The following PLA2G4A variants were observed in gnomAD, a reference collection of about 807,000 sequenced individuals.
PLA2G4A encodes cytosolic phospholipase A2.
Under a neutral mutation model 81.9 loss-of-function variants are expected in PLA2G4A, and 40 were observed. That is an observed-to-expected ratio of 0.49 (90% CI 0.38 to 0.64). The LOEUF (loss-of-function observed/expected upper bound fraction) is 0.64, where lower values mean the gene tolerates loss of function less well. Among genes scored for constraint, PLA2G4A ranks in the 30% least tolerant of loss-of-function variants. The probability of loss-of-function intolerance (pLI) is 0.00; values close to 1 mark genes in which losing one functional copy is unlikely to be tolerated. For missense variants in PLA2G4A, 715 were observed against 905.1 expected, an observed-to-expected ratio of 0.79 and a Z score of 2.69; for synonymous variants, 302 against 296.9, an observed-to-expected ratio of 1.02 and a Z score of -0.18.
At chr1:186,887,232 C>CT (rs1653969227) in intron 3 of PLA2G4A, among the ~76,000 whole-genome samples, 1 of 151,824 alleles carries the variant, frequency 6.6e-6, no homozygotes, top group South Asian at 2.1e-4. Flanking sequence ...TACTTGTAAT[C>CT]TGTTTTTCAA....
At chr1:186,936,001 C>T (rs549583046) in intron 8 of PLA2G4A, among the ~76,000 whole-genome samples, 1 of 151,714 alleles carries the variant, frequency 6.6e-6, no homozygotes, top group Non-Finnish European at 1.5e-5. Flanking sequence ...CCTGGAGACC[C>T]GAAATGAGTG....
At chr1:186,879,652 C>T (rs1204284102) in intron 3 of PLA2G4A, among the ~76,000 whole-genome samples, 2 of 151,724 alleles carry the variant, frequency 1.3e-5, no homozygotes, top group African/African-American at 4.8e-5. Flanking sequence ...ATTTATGAAG[C>T]TTAAATGAAA....
At chr1:186,837,927 AG>A (rs1246831487) in intron 1 of PLA2G4A, among the ~76,000 whole-genome samples, 1 of 151,952 alleles carries the variant, frequency 6.6e-6, no homozygotes, top group Non-Finnish European at 1.5e-5. Flanking sequence ...GGCAGGGAGA[AG>A]GGGAACCCAA....
intron 15 of PLA2G4A, among the ~76,000 whole-genome samples, chr1:186,976,841 G>A (rs554944192): frequency 1.1e-4 from 17 of 152,294 alleles, no homozygotes; most frequent in African/African-American, 3.6e-4. Context: ...AGCTGACTGC[G>A]AACACGTATT....
chr1:186,917,014 C>A (rs774316554), intron 7 of PLA2G4A, among the ~76,000 whole-genome samples: 1 of 152,062 alleles, frequency 6.6e-6, no homozygotes. Context: ...AGGGGTTGTC[C>A]GGGCTCGGTT....
At chr1:186,961,054 A>G (rs1656924538) in intron 14 of PLA2G4A, among the ~76,000 whole-genome samples, 1 of 152,138 alleles carries the variant, frequency 6.6e-6, no homozygotes, top group Admixed American at 6.5e-5. Context: ...ACATGGGTGA[A>G]CTTAGTGGAT....
chr1:186,964,528 C>T (rs932161460), intron 14 of PLA2G4A, among the ~76,000 whole-genome samples: 16 of 152,128 alleles, frequency 1.1e-4, no homozygotes, highest in African/African-American at 3.6e-4. Context: ...CCTCCCTCTC[C>T]CTGGTAACTT....
At position 186,870,514 on chromosome 1, in the gene PLA2G4A, T is replaced by C. The variant is rs1653218210; in HGVS notation, c.113T>C (p.Met38Thr). 1.9e-6 allele frequency: 3 copies of C among 1,601,750 alleles called. No homozygotes were observed. Residue 38 changes from methionine (M) to threonine (T), a missense_variant and splice_region_variant, in exon 3 of 18, where the codon ATG becomes ACG. Physicochemically the swap from Met to Thr is moderately conservative, Grantham distance 81. Coordinates refer to ENST00000367466, the MANE Select transcript of PLA2G4A (RefSeq NM_024420.3). ...GTGACAAAGGGGGCCTTTGGTGACATGCGTAAGTGCCCTTTTTTTCTTTGC... is the reference window on the plus strand; with the variant it reads ...GTGACAAAGGGGGCCTTTGGTGACACGCGTAAGTGCCCTTTTTTTCTTTGC... ...TKVTKGAFGDMLDTPDPYVEL... is the reference protein window; with the variant it reads ...TKVTKGAFGDTLDTPDPYVEL...
At chr1:186,844,682 TGTTAAATGACGA>T (rs1051765299) in intron 1 of PLA2G4A, among the ~76,000 whole-genome samples, 3 of 152,204 alleles carry the variant, frequency 2.0e-5, no homozygotes, top group African/African-American at 7.2e-5. Flanking sequence ...ATATACCTAA[TGTTAAATGACGA>T]GTTAATGGGT....
intron 7 of PLA2G4A, among the ~76,000 whole-genome samples, chr1:186,920,929 G>A (rs963121860): frequency 2.4e-4 from 36 of 152,288 alleles, no homozygotes; most frequent in East Asian, 1.5e-3. Context: ...GATATCTTCC[G>A]CGCTTTGACT....
chr1:186,930,000 T>C (rs1446063235), intron 7 of PLA2G4A, among the ~76,000 whole-genome samples: 1 of 152,132 alleles, frequency 6.6e-6, no homozygotes, highest in Non-Finnish European at 1.5e-5. Flanking sequence ...AAGACCATCC[T>C]GGGCAACATG....
chr1:186,831,694 G>T (rs575690688), intron 1 of PLA2G4A, among the ~76,000 whole-genome samples: 164 of 152,004 alleles, frequency 1.1e-3, no homozygotes, highest in African/African-American at 3.7e-3. Context: ...AAATTGCAAG[G>T]AAGAAAAAGA....
chr1:186,983,079 G>C (rs1657777659), intron 17 of PLA2G4A, among the ~76,000 whole-genome samples: 1 of 114,240 alleles, frequency 8.8e-6, no homozygotes, highest in Non-Finnish European at 1.6e-5. Context: ...GCAAGAGTCT[G>C]TCTCAAAAAA....
chr1:186,970,269 T>C (rs1219818064), intron 15 of PLA2G4A, among the ~76,000 whole-genome samples: 1 of 152,072 alleles, frequency 6.6e-6, no homozygotes. Context: ...GTTTTTCCTA[T>C]TGAGTTGTTT....
chr1:186,922,035 G>T (rs1243067562), intron 7 of PLA2G4A, among the ~76,000 whole-genome samples: 6 of 152,082 alleles, frequency 3.9e-5, no homozygotes. Context: ...TTTTCCTGTT[G>T]TTATAGTGAC....
intron 15 of PLA2G4A, among the ~76,000 whole-genome samples, chr1:186,971,335 A>C (rs1450062623): frequency 6.6e-6 from 1 of 151,880 alleles, no homozygotes; most frequent in Non-Finnish European, 1.5e-5. Context: ...GCATGTCTCC[A>C]ATCACTCCTT....
At chr1:186,964,523 C>G (rs923436383) in intron 14 of PLA2G4A, among the ~76,000 whole-genome samples, 1 of 152,124 alleles carries the variant, frequency 6.6e-6, no homozygotes, top group African/African-American at 2.4e-5. Context: ...TAGCTCCTCC[C>G]TCTCCCTGGT....
intron 2 of PLA2G4A, among the ~76,000 whole-genome samples, chr1:186,868,685 A>C (rs1206330647): frequency 1.3e-5 from 2 of 152,144 alleles, no homozygotes; most frequent in Admixed American, 1.3e-4. Flanking sequence ...AAGGTTATTA[A>C]TTGTTGATTC....
At chr1:186,842,994 G>A (rs1213878983) in intron 1 of PLA2G4A, among the ~76,000 whole-genome samples, 2 of 152,152 alleles carry the variant, frequency 1.3e-5, no homozygotes, top group Admixed American at 1.3e-4. Context: ...ATAGAAAGGG[G>A]ATTCTAGGGC....
Sources: allele counts gnomAD v4.1 joint callset (sites outside exome capture counted in the v4.1 genomes callset), GRCh38; gene constraint gnomAD v4.1.1; transcripts MANE v1.5; gene names NCBI Gene and HGNC (gene_info 2026-07-23, HGNC 2026-07-21).